The following DOCK10 variants were observed in gnomAD, a reference collection of about 807,000 sequenced individuals.
The protein encoded by DOCK10 is dedicator of cytokinesis protein 10.
Under a neutral mutation model 280.1 loss-of-function variants are expected in DOCK10, and 145 were observed. That is an observed-to-expected ratio of 0.52 (90% CI 0.45 to 0.59). The LOEUF is 0.59. Ranked by LOEUF, DOCK10 falls within the 20% of genes least tolerant of loss-of-function variation. DOCK10 has a pLI of 0.00. For missense variants in DOCK10, 2,368 were observed against 2,651.7 expected (o/e 0.89, Z 2.35); for synonymous variants, 915 against 942.2 (o/e 0.97, Z 0.53).
At chr2:224,775,458 T>G (rs1476988306) in intron 51 of DOCK10, among the ~76,000 whole-genome samples, 1 of 135,706 alleles carries the variant, frequency 7.4e-6, no homozygotes, top group East Asian at 2.0e-4. Context: ...ACTTCTTTTA[T>G]TTTTCATTTT....
intron 19 of DOCK10, 56 bp from the exon 20 acceptor site, chr2:224,845,698 G>A: frequency 2.0e-6 from 3 of 1,521,604 alleles, no homozygotes; most frequent in Non-Finnish European, 2.7e-6. Context: ...CTCAATATCA[G>A]AGCAAGACAA....
In DOCK10 at chr2:224,810,807, C is replaced by T. The variant is rs188357089; in HGVS notation, c.3410-2721G>A. Among the ~76,000 whole-genome samples, 332 of 151,970 alleles carry T rather than the reference C, an allele frequency of 2.2e-3. 1 individual carries two copies. Among genetic ancestry groups the T allele is most frequent in the Middle Eastern group, 0.014 (4 of 294 alleles). On this transcript the variant is annotated intron_variant, in intron 31 of 55. Transcript: ENST00000258390. ...GTTTCATCCATGTCCCTACAAAGGA[C>T]GTGAACTCATCATTTTTTATGGCTG...
intron 3 of DOCK10, among the ~76,000 whole-genome samples, chr2:224,907,216 C>T (rs1700701757): frequency 6.6e-6 from 1 of 152,142 alleles, no homozygotes; most frequent in Admixed American, 6.5e-5. Context: ...ATTACACTGA[C>T]ATTTATGATC....
chr2:224,804,608 T>C (rs1469657703), intron 38 of DOCK10, among the ~76,000 whole-genome samples, 186 bp downstream of exon 38: 1 of 152,052 alleles, frequency 6.6e-6, no homozygotes, highest in African/African-American at 2.4e-5. Flanking sequence ...CATGAACTAT[T>C]CCTAGATCTA....
At chr2:225,026,712 G>A (rs751527656) in intron 1 of DOCK10, among the ~76,000 whole-genome samples, 3 of 152,112 alleles carry the variant, frequency 2.0e-5, no homozygotes, top group Non-Finnish European at 4.4e-5. Context: ...AGATATCAAT[G>A]GGCAGAGCTC....
chr2:224,780,796 A>G (rs1007659470), intron 50 of DOCK10, among the ~76,000 whole-genome samples: 8 of 151,894 alleles, frequency 5.3e-5, no homozygotes, highest in Non-Finnish European at 1.2e-4. Flanking sequence ...GCTACTCAGG[A>G]GGCTGAGGCA....
In DOCK10 at chr2:224,853,094, G is replaced by C. The variant is rs1696864058; in HGVS notation, c.1917C>G (p.Val639=). 6.2e-7 allele frequency: 1 copy of C among 1,606,368 alleles called. No homozygotes were observed. Among genetic ancestry groups the C allele is most frequent in the East Asian group, 2.2e-5 (1 of 44,806 alleles). Residue 639 remains valine (V), a synonymous_variant, in exon 17 of 56, where the codon GTC becomes GTG. Transcript: ENST00000258390. ...PNCVTSSFIP[V]KPFNMMAQTE... ...TTTGAGCCATCATGTTGAAAGGCTTGACAGGGATAAAGGACGATGTTACAC... is the reference window on the plus strand; with the variant it reads ...TTTGAGCCATCATGTTGAAAGGCTTCACAGGGATAAAGGACGATGTTACAC...
chr2:224,796,733 G>C (rs1244261191), intron 43 of DOCK10, among the ~76,000 whole-genome samples: 1 of 152,138 alleles, frequency 6.6e-6, no homozygotes, highest in Non-Finnish European at 1.5e-5. Flanking sequence ...TACTCCATAT[G>C]ATTCTATTTC....
At chr2:224,850,098 C>G (rs13025480) in intron 18 of DOCK10, among the ~76,000 whole-genome samples, 1 of 152,152 alleles carries the variant, frequency 6.6e-6, no homozygotes, top group Non-Finnish European at 1.5e-5. Flanking sequence ...CACACTCCCC[C>G]CAGTACCTGG....
intron 1 of DOCK10, among the ~76,000 whole-genome samples, chr2:224,972,124 G>A (rs1033443610): frequency 6.6e-6 from 1 of 152,130 alleles, no homozygotes; most frequent in Admixed American, 6.5e-5. Flanking sequence ...CAGAGGGACT[G>A]TGGCAACAAA....
chr2:224,897,446 T>C (rs1700051442), intron 3 of DOCK10, among the ~76,000 whole-genome samples: 1 of 152,188 alleles, frequency 6.6e-6, no homozygotes, highest in African/African-American at 2.4e-5. Context: ...AAATGTACAA[T>C]TAAATTATTA....
At chr2:225,024,564 TAAGAA>T (rs966069254) in intron 1 of DOCK10, among the ~76,000 whole-genome samples, 8 of 152,128 alleles carry the variant, frequency 5.3e-5, no homozygotes, top group African/African-American at 1.2e-4. Context: ...CTTTTCAAAA[TAAGAA>T]AAGAAAATCA....
At chr2:224,950,568 G>A (rs1427438813) in intron 1 of DOCK10, among the ~76,000 whole-genome samples, 2 of 152,178 alleles carry the variant, frequency 1.3e-5, no homozygotes, top group Non-Finnish European at 2.9e-5. Flanking sequence ...GACTGGCCAT[G>A]AAGGAGATGG....
chr2:224,886,538 TTAA>T lies in DOCK10; in HGVS notation c.417-10_417-8del. On this transcript the variant is annotated splice_region_variant and splice_polypyrimidine_tract_variant and intron_variant, in intron 4 of 55. Transcript: ENST00000258390. ...CTCTGGTTTGTATTCTGCTCTGATATTAAAAAAAAAAAAAGATTCTGATTTGTC... is the reference window on the plus strand; with the variant it reads ...CTCTGGTTTGTATTCTGCTCTGATATAAAAAAAAAAAGATTCTGATTTGTC... 6.4e-7 allele frequency: 1 copy of T among 1,563,122 alleles called. No individual in the cohort carries two copies. The highest frequency in any genetic ancestry group is 1.6e-5 in the African/African-American group (1 of 62,244).
intron 1 of DOCK10, among the ~76,000 whole-genome samples, chr2:224,967,621 T>C (rs1191068349): frequency 1.3e-5 from 2 of 152,140 alleles, no homozygotes; most frequent in African/African-American, 4.8e-5. Flanking sequence ...AAATTAAGCC[T>C]CAAACTGGCT....
intron 7 of DOCK10, among the ~76,000 whole-genome samples, chr2:224,881,279 T>G (rs780437267): frequency 6.6e-6 from 1 of 152,168 alleles, no homozygotes; most frequent in South Asian, 2.1e-4. Flanking sequence ...TGTGCATCCT[T>G]CCCACATCCT....
At chr2:224,810,819 A>C (rs1003520111) in intron 31 of DOCK10, among the ~76,000 whole-genome samples, 2 of 151,734 alleles carry the variant, frequency 1.3e-5, no homozygotes, top group African/African-American at 4.8e-5. Flanking sequence ...TGAACTCATC[A>C]TTTTTTATGG....
intron 26 of DOCK10, among the ~76,000 whole-genome samples, chr2:224,832,522 T>TTGA (rs1461155531): frequency 6.6e-6 from 1 of 152,198 alleles, no homozygotes; most frequent in Non-Finnish European, 1.5e-5. Flanking sequence ...AGAGAAGGGA[T>TTGA]TGATATTCTA....
chr2:224,789,040 T>C (rs1574823630), intron 48 of DOCK10, 24 bp downstream of exon 48: 3 of 1,466,768 alleles, frequency 2.0e-6, no homozygotes, highest in Non-Finnish European at 2.9e-6. Flanking sequence ...TTCGTTACTG[T>C]ACATGAGATA....
Sources: gnomAD v4.1 joint callset for allele counts (sites outside exome capture counted in the v4.1 genomes callset) on GRCh38, gnomAD v4.1.1 for gene constraint, MANE v1.5 for transcripts, NCBI Gene and HGNC (gene_info 2026-07-23, HGNC 2026-07-21) for gene names.